Variants in LRRC4C observed in about 807,000 individuals in gnomAD.
LRRC4C encodes the protein leucine rich repeat containing 4C, also known as leucine-rich repeat-containing protein 4C.
LRRC4C carries 5 observed loss-of-function variants against 33.6 expected under a neutral mutation model. The observed-to-expected ratio is 0.15, with a 90% confidence interval of 0.08 to 0.31. The LOEUF (loss-of-function observed/expected upper bound fraction) is 0.31, where lower values mean the gene tolerates loss of function less well. Ranked by LOEUF, LRRC4C falls within the 10% of genes least tolerant of loss-of-function variation. LRRC4C has a pLI of 1.00. For synonymous variants in LRRC4C, 329 were observed against 302.0 expected (o/e 1.09, Z -0.93); for missense variants, 560 against 796.7 (o/e 0.70, Z 3.58).
chr11:40,830,419 G>A (rs747404165), intron 2 of LRRC4C, among the ~76,000 whole-genome samples: 2 of 152,026 alleles, frequency 1.3e-5, no homozygotes, highest in Non-Finnish European at 2.9e-5. Context: ...CAGACTCTAC[G>A]CTCCTTTGTG....
intron 2 of LRRC4C, among the ~76,000 whole-genome samples, chr11:40,770,977 T>G (rs2078794377): frequency 6.6e-6 from 1 of 152,186 alleles, no homozygotes; most frequent in Admixed American, 6.5e-5. Context: ...AAGCTGTCAG[T>G]GGATCTACCG....
intron 6 of LRRC4C, among the ~76,000 whole-genome samples, chr11:40,116,961 A>G (rs937084170): frequency 6.6e-6 from 1 of 152,212 alleles, no homozygotes; most frequent in East Asian, 1.9e-4. Flanking sequence ...TTTCTTTGCA[A>G]CTGCACAGGT....
intron 3 of LRRC4C, among the ~76,000 whole-genome samples, chr11:40,422,977 A>G (rs1191278572): frequency 2.0e-5 from 3 of 152,190 alleles, no homozygotes; most frequent in Non-Finnish European, 4.4e-5. Context: ...CAAAGTTAGC[A>G]CACATTAAAA....
chr11:40,591,350 A>G (rs1242890994), intron 3 of LRRC4C, among the ~76,000 whole-genome samples: 1 of 152,108 alleles, frequency 6.6e-6, no homozygotes. Flanking sequence ...TGCACGGTGC[A>G]CGGACCCACT....
In LRRC4C at chr11:40,279,001, T is replaced by C. The variant is rs941099369; in HGVS notation, c.-175-37403A>G. 2.0e-5 allele frequency among the ~76,000 whole-genome samples: 3 copies of C among 152,100 alleles called. No homozygotes were observed. In the East Asian group the frequency reaches 5.8e-4, roughly 29 times the overall value. ...AAAACTGTGGAAATTTCTATGGTGA[T>C]ATTTGAGGGAATGCAAAACAATGGC... On this transcript the variant is annotated intron_variant, in intron 4 of 6. Transcript: ENST00000528697.
chr11:41,361,680 T>G (rs1952360773), intron 1 of LRRC4C, among the ~76,000 whole-genome samples: 1 of 152,228 alleles, frequency 6.6e-6, no homozygotes, highest in Non-Finnish European at 1.5e-5. Context: ...GGATTTAAAT[T>G]ATATCTCTGA....
At chr11:41,195,483 A>G (rs1283135794) in intron 1 of LRRC4C, among the ~76,000 whole-genome samples, 1 of 152,094 alleles carries the variant, frequency 6.6e-6, no homozygotes, top group African/African-American at 2.4e-5. Context: ...GAAAAGGACT[A>G]TCAAGGAGAT....
intron 5 of LRRC4C, among the ~76,000 whole-genome samples, chr11:40,178,328 G>A (rs1443834083): frequency 6.6e-6 from 1 of 152,184 alleles, no homozygotes; most frequent in African/African-American, 2.4e-5. Flanking sequence ...GAGCAGTTCT[G>A]AAGTGATGAG....
At chr11:41,050,319 T>C (rs1423437933) in intron 1 of LRRC4C, among the ~76,000 whole-genome samples, 1 of 152,134 alleles carries the variant, frequency 6.6e-6, no homozygotes, top group Non-Finnish European at 1.5e-5. Context: ...GATGAAAAAG[T>C]ACATAGCTAT....
At chr11:41,044,937 A>C (rs1590341321) in intron 1 of LRRC4C, among the ~76,000 whole-genome samples, 1 of 152,144 alleles carries the variant, frequency 6.6e-6, no homozygotes, top group African/African-American at 2.4e-5. Context: ...CCTGAGGCCT[A>C]TTACTCTTGC....
At chr11:40,486,153 T>TA (rs1278498229) in intron 3 of LRRC4C, among the ~76,000 whole-genome samples, 4 of 137,430 alleles carry the variant, frequency 2.9e-5, no homozygotes, top group East Asian at 4.1e-4. Flanking sequence ...AGACAAAAGT[T>TA]TAAAAAAAAA....
intron 3 of LRRC4C, among the ~76,000 whole-genome samples, chr11:40,447,499 G>C (rs146081663): frequency 6.6e-6 from 1 of 151,988 alleles, no homozygotes; most frequent in Non-Finnish European, 1.5e-5. Context: ...TATATGATAT[G>C]GCTCTCTCAA....
At chr11:41,177,285 G>A (rs953727701) in intron 1 of LRRC4C, among the ~76,000 whole-genome samples, 2 of 152,108 alleles carry the variant, frequency 1.3e-5, no homozygotes, top group African/African-American at 2.4e-5. Context: ...AAGTGCAAAT[G>A]GTAATTATAG....
At chr11:40,838,743 T>C (rs750936224) in intron 2 of LRRC4C, among the ~76,000 whole-genome samples, 29 of 151,870 alleles carry the variant, frequency 1.9e-4, no homozygotes, top group Non-Finnish European at 4.1e-4. Flanking sequence ...ATATAATATG[T>C]ATATATTTCT....
In LRRC4C at chr11:40,915,187, A is replaced by G. The variant is rs545054319; in HGVS notation, c.-407+18448T>C. Reference sequence around the variant, plus strand: ...CAATGACTTTCTTCACAGAATTGGAAAAAACTACTTTAAAGTTCATATGGA... The same window carrying G: ...CAATGACTTTCTTCACAGAATTGGAGAAAACTACTTTAAAGTTCATATGGA... On this transcript the variant is annotated intron_variant, in intron 2 of 6. Coordinates refer to ENST00000528697, the MANE Select transcript of LRRC4C (RefSeq NM_001258419.2). 2.0e-5 allele frequency among the ~76,000 whole-genome samples: 3 copies of G among 152,248 alleles called. 1 individual carries two copies. The East Asian group carries it at 5.8e-4, about 30-fold the overall frequency.
intron 1 of LRRC4C, among the ~76,000 whole-genome samples, chr11:41,178,659 A>T (rs1186621508): frequency 6.6e-6 from 1 of 152,062 alleles, no homozygotes; most frequent in Non-Finnish European, 1.5e-5. Flanking sequence ...GCCTAGCCCC[A>T]GACTTTCTAA....
intron 3 of LRRC4C, among the ~76,000 whole-genome samples, chr11:40,476,171 A>G (rs191407503): frequency 9.2e-5 from 14 of 152,086 alleles, no homozygotes; most frequent in African/African-American, 3.4e-4. Flanking sequence ...TATTCCAACT[A>G]GAAGTGTGTG....
intron 1 of LRRC4C, among the ~76,000 whole-genome samples, chr11:41,389,579 T>C (rs1163053973): frequency 7.0e-6 from 1 of 143,520 alleles, no homozygotes; most frequent in Non-Finnish European, 1.5e-5. Flanking sequence ...AGATATACTT[T>C]CCTTATTTCT....
intron 6 of LRRC4C, among the ~76,000 whole-genome samples, chr11:40,126,737 A>G (rs370897199): frequency 2.0e-5 from 3 of 151,892 alleles, no homozygotes; most frequent in East Asian, 3.9e-4. Flanking sequence ...AGGGTGGGCA[A>G]ATCACCTGAG....
Sources: allele counts gnomAD v4.1 joint callset (sites outside exome capture counted in the v4.1 genomes callset), GRCh38; gene constraint gnomAD v4.1.1; transcripts MANE v1.5; gene names NCBI Gene and HGNC (gene_info 2026-07-23, HGNC 2026-07-21).